Variants in SAMSN1 observed in about 807,000 individuals in gnomAD.
SAMSN1 encodes SAM domain, SH3 domain and nuclear localization signals 1, also known as SAM domain-containing protein SAMSN-1.
SAMSN1 carries 31 observed loss-of-function variants against 42.0 expected under a neutral mutation model. The ratio of observed to expected loss-of-function variants is 0.74; its 90% CI spans 0.55 to 1.00. The LOEUF is 1.00. SAMSN1 is among the 50% of genes least tolerant of loss of function. SAMSN1 has a pLI of 0.00. For missense variants in SAMSN1, 464 were observed against 439.4 expected (o/e 1.06, Z -0.50); for synonymous variants, 178 against 151.9 (o/e 1.17, Z -1.26).
chr21:14,576,063 C>T (rs1224676639), intron 2 of SAMSN1, among the ~76,000 whole-genome samples: 11 of 152,122 alleles, frequency 7.2e-5, no homozygotes, highest in Admixed American at 3.9e-4. Context: ...ATGATACTCA[C>T]TTTGTCTGCA....
intron 5 of SAMSN1, among the ~76,000 whole-genome samples, chr21:14,509,862 A>G (rs1987600008): frequency 6.6e-6 from 1 of 152,104 alleles, no homozygotes; most frequent in Non-Finnish European, 1.5e-5. Flanking sequence ...GCACTGGGCC[A>G]GGCGTGGTGG....
chr21:14,521,904 A>AG (rs1466599585), intron 1 of SAMSN1, among the ~76,000 whole-genome samples: 1 of 152,038 alleles, frequency 6.6e-6, no homozygotes, highest in Non-Finnish European at 1.5e-5. Context: ...TTTGTTTAAA[A>AG]AAAAAAAAAG....
intron 2 of SAMSN1, among the ~76,000 whole-genome samples, chr21:14,559,400 CT>C (rs2123194653): frequency 6.6e-6 from 1 of 152,268 alleles, no homozygotes; most frequent in African/African-American, 2.4e-5. Flanking sequence ...ACCAGCACAG[CT>C]TTGATCACCA....
intron 2 of SAMSN1, among the ~76,000 whole-genome samples, chr21:14,579,588 T>A (rs1470273530): frequency 6.6e-6 from 1 of 151,528 alleles, no homozygotes; most frequent in East Asian, 1.9e-4. Context: ...CAAGTGCTAC[T>A]CAAATATTTA....
chr21:14,511,088 T>A (rs1280850347), intron 4 of SAMSN1, among the ~76,000 whole-genome samples: 2 of 152,104 alleles, frequency 1.3e-5, no homozygotes. Flanking sequence ...GTAATTCTCC[T>A]CCCCCACCCT....
upstream of SAMSN1, chr21:14,585,402 T>A (rs139549250): frequency 3.4e-4 from 52 of 152,336 alleles, no homozygotes; most frequent in African/African-American, 1.3e-3. Context: ...GCAACAAAAA[T>A]CGTCTTCTCT....
intron 5 of SAMSN1, among the ~76,000 whole-genome samples, chr21:14,606,003 G>A (rs138846244): frequency 0.017 from 2,552 of 151,596 alleles, 80 homozygotes; most frequent in African/African-American, 0.059. Context: ...CACCACGCCC[G>A]GCTAATTTTT....
intron 5 of SAMSN1, among the ~76,000 whole-genome samples, chr21:14,607,413 A>G (rs1292303315): frequency 6.6e-6 from 1 of 152,170 alleles, no homozygotes; most frequent in Non-Finnish European, 1.5e-5. Context: ...TTCTCCCTTC[A>G]ATTTATAATG....
chr21:14,529,694 T>C (rs369724084), intron 1 of SAMSN1, among the ~76,000 whole-genome samples: 2 of 152,284 alleles, frequency 1.3e-5, no homozygotes, highest in East Asian at 3.9e-4. Flanking sequence ...AAATGAAAGA[T>C]ACACAAATAT....
intron 1 of SAMSN1, among the ~76,000 whole-genome samples, chr21:14,541,045 A>G (rs1979987520): frequency 6.7e-6 from 1 of 148,440 alleles, no homozygotes; most frequent in Admixed American, 6.8e-5. Flanking sequence ...AAAACCAAAC[A>G]CCGCATGTTC....
At chr21:14,525,985 C>G (rs144285393) in intron 1 of SAMSN1, among the ~76,000 whole-genome samples, 6 of 152,026 alleles carry the variant, frequency 3.9e-5, no homozygotes, top group African/African-American at 9.7e-5. Flanking sequence ...CTGCCTCAGC[C>G]CCCCCGAGTA....
chr21:14,579,386 G>C (rs2822778), intron 2 of SAMSN1, among the ~76,000 whole-genome samples: 1 of 151,896 alleles, frequency 6.6e-6, no homozygotes, highest in South Asian at 2.1e-4. Context: ...AAATATGACT[G>C]TTGTGTATTT....
At chr21:14,590,320 G>T (rs908038204) in intron 7 of SAMSN1, among the ~76,000 whole-genome samples, 1 of 151,678 alleles carries the variant, frequency 6.6e-6, no homozygotes, top group East Asian at 1.9e-4. Context: ...CACCAAGCTG[G>T]AGGCTGGCGT....
intron 2 of SAMSN1, among the ~76,000 whole-genome samples, chr21:14,627,120 C>G (rs552218989): frequency 6.6e-6 from 1 of 151,958 alleles, no homozygotes; most frequent in Admixed American, 6.6e-5. Flanking sequence ...CACACTGGGG[C>G]CTGTCATGGG....
At chr21:14,650,662 G>A (rs1259769320) in intron 1 of SAMSN1, among the ~76,000 whole-genome samples, 1 of 151,710 alleles carries the variant, frequency 6.6e-6, no homozygotes, top group Non-Finnish European at 1.5e-5. Context: ...CAAATTAGTA[G>A]AAGAAACAAA....
chr21:14,519,093 A>T (rs73173221), intron 2 of SAMSN1, among the ~76,000 whole-genome samples: 2,200 of 152,246 alleles, frequency 0.014, 39 homozygotes, highest in Middle Eastern at 0.058. Flanking sequence ...AGCCTGAATT[A>T]AATTTCTATT....
chr21:14,597,100 C>T (rs1352360121), intron 6 of SAMSN1, among the ~76,000 whole-genome samples: 1 of 152,128 alleles, frequency 6.6e-6, no homozygotes, highest in African/African-American at 2.4e-5. Context: ...TTGGTTGACA[C>T]TGTCATTTTG....
At chr21:14,649,778 C>CACACATACAT (rs766854251) in intron 1 of SAMSN1, among the ~76,000 whole-genome samples, 1 of 145,626 alleles carries the variant, frequency 6.9e-6, no homozygotes, top group African/African-American at 2.7e-5. Flanking sequence ...TCAAAACACA[C>CACACATACAT]ACACACACAC....
upstream of SAMSN1, among the ~76,000 whole-genome samples, chr21:14,658,972 A>G (rs1003770046): frequency 1.3e-5 from 2 of 152,000 alleles, no homozygotes; most frequent in Non-Finnish European, 2.9e-5. Flanking sequence ...TAAATTAATG[A>G]AGAACGCTGA....
Sources: gnomAD v4.1 joint callset for allele counts (sites outside exome capture counted in the v4.1 genomes callset) on GRCh38, gnomAD v4.1.1 for gene constraint, MANE v1.5 for transcripts, NCBI Gene and HGNC (gene_info 2026-07-23, HGNC 2026-07-21) for gene names.